KRABD5: variants seen among roughly 807,000 people sequenced by gnomAD.
KRABD5 encodes the protein KRAB domain-containing protein 5.
chr16:31,755,847 A>G, the KRABD5 span: 3 of 297,352 alleles, frequency 1.0e-5, no homozygotes, highest in Admixed American at 4.7e-5. Flanking sequence ...TCAAATCTGA[A>G]TGTGTCAGGA....
At chr16:31,738,080 T>C in the KRABD5 span, among the ~76,000 whole-genome samples, 4 of 152,190 alleles carry the variant, frequency 2.6e-5, no homozygotes, top group Non-Finnish European at 4.4e-5. Flanking sequence ...GATTGTCATC[T>C]GCTTAAATTT....
the KRABD5 span, among the ~76,000 whole-genome samples, chr16:31,736,480 A>T: frequency 1.8e-4 from 26 of 142,786 alleles, no homozygotes; most frequent in Non-Finnish European, 3.0e-4. Flanking sequence ...TTAAATCTAT[A>T]GGTCACTTTG....
At chr16:31,715,116 C>T in the KRABD5 span, among the ~76,000 whole-genome samples, 3,196 of 152,200 alleles carry the variant, frequency 0.021, 103 homozygotes, top group East Asian at 0.11. Context: ...TCAGCCTGTT[C>T]TTAGGAGGGG....
the KRABD5 span, chr16:31,755,200 C>T: frequency 6.6e-5 from 31 of 472,942 alleles, no homozygotes; most frequent in East Asian, 4.7e-4. Context: ...GAATTCATAC[C>T]GGAGAAAAAC....
At chr16:31,717,481 TTAAC>T in the KRABD5 span, among the ~76,000 whole-genome samples, 1 of 152,152 alleles carries the variant, frequency 6.6e-6, no homozygotes, top group South Asian at 2.1e-4. Flanking sequence ...TATTTTTCCT[TTAAC>T]TATATAGCCA....
the KRABD5 span, among the ~76,000 whole-genome samples, chr16:31,736,032 G>C: frequency 6.6e-6 from 1 of 152,140 alleles, no homozygotes; most frequent in East Asian, 1.9e-4. Flanking sequence ...ATAGTTTAGG[G>C]CATTACATTT....
At chr16:31,747,174 T>C in the KRABD5 span, among the ~76,000 whole-genome samples, 1 of 130,368 alleles carries the variant, frequency 7.7e-6, no homozygotes, top group African/African-American at 2.9e-5. Context: ...CAGTGTGTGA[T>C]GTTCCCCTTC....
the KRABD5 span, among the ~76,000 whole-genome samples, chr16:31,749,715 T>C: frequency 1.9e-3 from 289 of 152,290 alleles, 5 homozygotes; most frequent in Non-Finnish European, 1.3e-3. Context: ...CCTGTGTGGC[T>C]CTCAAAGCCA....
chr16:31,740,175 C>T, the KRABD5 span, among the ~76,000 whole-genome samples: 1 of 152,144 alleles, frequency 6.6e-6, no homozygotes, highest in Non-Finnish European at 1.5e-5. Flanking sequence ...TCTTTAATTC[C>T]TCTAGCGCTG....
the KRABD5 span, among the ~76,000 whole-genome samples, chr16:31,749,429 A>G: frequency 6.6e-6 from 1 of 152,210 alleles, no homozygotes. Flanking sequence ...CCCTCTGCCA[A>G]GGAGCTCAAA....
At chr16:31,724,334 A>G in the KRABD5 span, among the ~76,000 whole-genome samples, 7 of 152,148 alleles carry the variant, frequency 4.6e-5, no homozygotes, top group Non-Finnish European at 7.3e-5. Context: ...ATACAAATAA[A>G]TTAATTAACA....
chr16:31,738,218 T>C, the KRABD5 span, among the ~76,000 whole-genome samples: 1 of 152,096 alleles, frequency 6.6e-6, no homozygotes. Flanking sequence ...TAATGGTCTA[T>C]AGTGTTGTTC....
At chr16:31,714,660 A>G in the KRABD5 span, among the ~76,000 whole-genome samples, 1 of 152,182 alleles carries the variant, frequency 6.6e-6, no homozygotes, top group Admixed American at 6.5e-5. Flanking sequence ...CTGCAAAAGG[A>G]GGTCATTGAA....
At chr16:31,753,677 C>G in the KRABD5 span, 1 of 1,253,140 alleles carries the variant, frequency 8.0e-7, no homozygotes, top group Non-Finnish European at 1.1e-6. Context: ...ATGGTGTTCT[C>G]AACGTGATAT....
At chr16:31,739,618 A>G in the KRABD5 span, among the ~76,000 whole-genome samples, 1 of 152,204 alleles carries the variant, frequency 6.6e-6, no homozygotes, top group Non-Finnish European at 1.5e-5. Flanking sequence ...ATTCTCAGCC[A>G]TCATTTCTTA....
the KRABD5 span, among the ~76,000 whole-genome samples, chr16:31,721,611 T>C: frequency 6.6e-6 from 1 of 152,168 alleles, no homozygotes; most frequent in Non-Finnish European, 1.5e-5. Context: ...TTATTTCTCA[T>C]ATAGATTTTT....
the KRABD5 span, among the ~76,000 whole-genome samples, chr16:31,719,927 C>T: frequency 6.6e-6 from 1 of 152,154 alleles, no homozygotes; most frequent in South Asian, 2.1e-4. Context: ...TAAACTTCAC[C>T]CTTCTTTTCC....
the KRABD5 span, among the ~76,000 whole-genome samples, chr16:31,726,088 T>G: frequency 6.6e-6 from 1 of 152,246 alleles, no homozygotes; most frequent in African/African-American, 2.4e-5. Context: ...TTCCCTGTGT[T>G]TCTTCTAAAA....
the KRABD5 span, chr16:31,722,525 A>T: frequency 7.2e-7 from 1 of 1,380,734 alleles, no homozygotes; most frequent in Non-Finnish European, 1.0e-6. Context: ...CACTCATATA[A>T]ATCAGTCAGT....
Sources: allele counts gnomAD v4.1 joint callset (sites outside exome capture counted in the v4.1 genomes callset), GRCh38; gene constraint gnomAD v4.1.1; transcripts MANE v1.5; gene names NCBI Gene and HGNC (gene_info 2026-07-23, HGNC 2026-07-21).